SORBS2: variants seen among roughly 807,000 people sequenced by gnomAD.
SORBS2 encodes the protein sorbin and SH3 domain containing 2, also known as sorbin and SH3 domain-containing protein 2.
Under a neutral mutation model 97.7 loss-of-function variants are expected in SORBS2, and 46 were observed. That is an observed-to-expected ratio of 0.47 (90% CI 0.37 to 0.60). SORBS2 has a LOEUF of 0.60. Among genes scored for constraint, SORBS2 ranks in the 20% least tolerant of loss-of-function variants. The probability of loss-of-function intolerance (pLI) is 0.00; values close to 1 mark genes in which losing one functional copy is unlikely to be tolerated. For missense variants in SORBS2, 1,316 were observed against 1,282.3 expected (o/e 1.03, Z -0.40); for synonymous variants, 476 against 473.4 (o/e 1.01, Z -0.07).
In SORBS2 at chr4:185,731,882, ATATATATATATATATATATATATATAT is replaced by A. The variant is rs1359021015; in HGVS notation, c.-198+43318_-198+43344del. ...TCTCTCTCTCTATATATATATATATATATATATATATATATATATATATATATGTCTGTTTCTCTGTCTCACTCTAGA... is the reference window on the plus strand; with the variant it reads ...TCTCTCTCTCTATATATATATATATAGTCTGTTTCTCTGTCTCACTCTAGA... On this transcript the variant is annotated intron_variant, in intron 2 of 20. Coordinates refer to the SORBS2 transcript ENST00000284776. Among the ~76,000 whole-genome samples the A allele has an allele frequency of 4.9e-4, 31 of 63,328 alleles. 1 individual carries two copies. The highest frequency in any genetic ancestry group is 1.2e-3 in the Admixed American group (8 of 6,440). 41.5% of individuals were successfully genotyped at this position (63,328 alleles called of 152,430 possible). A position where few individuals can be genotyped will look rare whatever the true frequency, so the allele number is the denominator to read the frequency against.
exon 15 of SORBS2, chr4:185,586,256 G>A (rs1433277134): frequency 1.3e-5 from 2 of 152,614 alleles, no homozygotes; most frequent in African/African-American, 2.4e-5. Flanking sequence ...GCTAGTTTTC[G>A]GAGCAGGTGT....
intron 2 of SORBS2, among the ~76,000 whole-genome samples, chr4:185,768,457 C>T (rs192123982): frequency 1.8e-4 from 27 of 152,082 alleles, no homozygotes; most frequent in Admixed American, 9.2e-4. Context: ...CTTGGAAGGC[C>T]GAGGTGGGTG....
Position 185,684,426 on chromosome 4 carries a change from A to G in SORBS2, c.-197-5604T>C, listed in dbSNP as rs2153508476. On this transcript the variant is annotated intron_variant, in intron 2 of 20. Transcript: ENST00000284776. The surrounding 1 kb of genome is among the most constrained non-coding windows in gnomAD (Gnocchi z 4.2). ...CAAAGAATCCAGTTAATGAAGATTC[A>G]GTTTCCTACAAATCCCTTTTTTCAT... Among the ~76,000 whole-genome samples the G allele has an allele frequency of 6.6e-6, 1 of 152,272 alleles. No individual in the cohort carries two copies. Among genetic ancestry groups the G allele is most frequent in the East Asian group, 1.9e-4 (1 of 5,184 alleles).
intron 12 of SORBS2, 28 bp downstream of exon 24, chr4:185,611,752 A>G: frequency 6.4e-7 from 1 of 1,569,822 alleles, no homozygotes; most frequent in South Asian, 1.1e-5. Context: ...TTCCAATATT[A>G]CATTAACATG....
chr4:185,697,959 T>C (rs937064438), intron 2 of SORBS2, among the ~76,000 whole-genome samples: 4 of 152,214 alleles, frequency 2.6e-5, no homozygotes, highest in Non-Finnish European at 2.9e-5. Context: ...AAAAGAATTA[T>C]GTAATCTAGT....
intron 1 of SORBS2, among the ~76,000 whole-genome samples, chr4:185,837,815 C>T (rs1016970024): frequency 4.0e-5 from 6 of 151,622 alleles, no homozygotes; most frequent in African/African-American, 1.5e-4. Context: ...ACTATACAGA[C>T]TATCCCCAAA....
intron 4 of SORBS2, among the ~76,000 whole-genome samples, chr4:185,670,142 C>A (rs1316372169): frequency 6.6e-6 from 1 of 152,034 alleles, no homozygotes; most frequent in African/African-American, 2.4e-5. Flanking sequence ...TTGCTTGAAC[C>A]TGGGAGGTGG....
At chr4:185,954,220 C>A (rs1182428884) in intron 1 of SORBS2, among the ~76,000 whole-genome samples, 3 of 152,188 alleles carry the variant, frequency 2.0e-5, no homozygotes, top group Non-Finnish European at 4.4e-5. Context: ...TGCTAATGGA[C>A]TCCCTGTGAC....
intron 1 of SORBS2, among the ~76,000 whole-genome samples, chr4:185,826,446 TTTTC>T (rs1194865926): frequency 5.9e-5 from 9 of 152,190 alleles, no homozygotes; most frequent in African/African-American, 2.2e-4. Flanking sequence ...CTTATAAATC[TTTTC>T]TTTTTTCTTT....
intron 1 of SORBS2, among the ~76,000 whole-genome samples, chr4:185,935,156 C>T (rs1190551611): frequency 2.0e-5 from 3 of 152,112 alleles, no homozygotes; most frequent in Non-Finnish European, 2.9e-5. Context: ...AACCAATAGG[C>T]AATGTATCAG....
upstream of SORBS2, among the ~76,000 whole-genome samples, chr4:185,661,777 C>A (rs911899776): frequency 1.1e-4 from 16 of 152,210 alleles, no homozygotes; most frequent in Admixed American, 8.5e-4. Context: ...CAAGTCCGAA[C>A]AAGCTGCCCT....
At chr4:185,721,016 T>C (rs1562115014) in intron 2 of SORBS2, among the ~76,000 whole-genome samples, 1 of 151,578 alleles carries the variant, frequency 6.6e-6, no homozygotes, top group Non-Finnish European at 1.5e-5. Flanking sequence ...GCTCAGAGGA[T>C]AGTGTGAGAC....
chr4:185,747,863 C>A (rs1276322062), intron 2 of SORBS2, among the ~76,000 whole-genome samples: 1 of 152,008 alleles, frequency 6.6e-6, no homozygotes, highest in Non-Finnish European at 1.5e-5. Context: ...CGGTGGAGGG[C>A]GCCGGTAATC....
upstream of SORBS2, chr4:185,661,961 G>T: frequency 2.4e-6 from 2 of 818,536 alleles, no homozygotes; most frequent in Non-Finnish European, 1.9e-6. Context: ...CCCATGTTGG[G>T]TCCTCTGCCC....
At chr4:185,881,374 C>G (rs887159015) in intron 1 of SORBS2, among the ~76,000 whole-genome samples, 2 of 152,026 alleles carry the variant, frequency 1.3e-5, no homozygotes, top group East Asian at 3.9e-4. Flanking sequence ...GAATTTTGTA[C>G]CAAGGATAAT....
chr4:185,890,196 T>A (rs2099241758), intron 1 of SORBS2, among the ~76,000 whole-genome samples: 1 of 152,230 alleles, frequency 6.6e-6, no homozygotes, highest in South Asian at 2.1e-4. Flanking sequence ...CCAGATTAAT[T>A]TTTAAGTGTA....
At chr4:185,870,391 A>G (rs1270841643) in intron 1 of SORBS2, among the ~76,000 whole-genome samples, 3 of 152,202 alleles carry the variant, frequency 2.0e-5, no homozygotes, top group Non-Finnish European at 4.4e-5. Flanking sequence ...TCATGACCCA[A>G]TGCGGGCATC....
intron 5 of SORBS2, among the ~76,000 whole-genome samples, chr4:185,627,818 T>C (rs760617696): frequency 1.1e-4 from 16 of 152,198 alleles, no homozygotes; most frequent in Non-Finnish European, 2.1e-4. Flanking sequence ...AAAAAGCTTC[T>C]GTCCTCCAGC....
chr4:185,767,373 G>A lies in SORBS2; in HGVS notation c.-198+7854C>T, dbSNP rs191372477. Among the ~76,000 whole-genome samples the A allele has an allele frequency of 7.6e-4, 106 of 140,298 alleles. 10 individuals are homozygous for A. The highest frequency in any genetic ancestry group is 2.6e-3 in the African/African-American group (103 of 38,978). 92.0% of individuals were successfully genotyped at this position (140,298 alleles called of 152,430 possible). ...AAATTAGCCGGGCGTGGTGGCGGGC[G>A]CCTGTAGTTCCAGTTACTCGGGAGG... On this transcript the variant is annotated intron_variant, in intron 2 of 20. Coordinates refer to the SORBS2 transcript ENST00000284776.
Sources: gnomAD v4.1 joint callset for allele counts (sites outside exome capture counted in the v4.1 genomes callset) on GRCh38, gnomAD v4.1.1 for gene constraint, Gnocchi (gnomAD v3.1) non-coding constraint, MANE v1.5 for transcripts, NCBI Gene and HGNC (gene_info 2026-07-23, HGNC 2026-07-21) for gene names.